The following LINGO2 variants were observed in gnomAD, a reference collection of about 807,000 sequenced individuals.
The protein encoded by LINGO2 is leucine rich repeat and Ig domain containing 2, also known as leucine-rich repeat and immunoglobulin-like domain-containing nogo receptor-interacting protein 2.
A neutral mutation model predicts 30.6 loss-of-function variants in LINGO2; 14 were observed. The observed-to-expected ratio is 0.46, with a 90% confidence interval of 0.30 to 0.72. The LOEUF is 0.72. Ranked by LOEUF, LINGO2 falls within the 30% of genes least tolerant of loss-of-function variation. LINGO2 has a pLI of 0.07. For synonymous variants in LINGO2, 317 were observed against 288.5 expected (o/e 1.10, Z -1.00); for missense variants, 729 against 751.7 (o/e 0.97, Z 0.35).
In LINGO2 at chr9:28,492,666, G is replaced by C. The variant is rs570308769; in HGVS notation, c.-364-16641C>G. Among the ~76,000 whole-genome samples the C allele has an allele frequency of 2.0e-5, 3 of 152,174 alleles. No individual in the cohort carries two copies. The East Asian group carries it at 5.8e-4, about 29-fold the overall frequency. On this transcript the variant is annotated intron_variant, in intron 1 of 5. Coordinates refer to ENST00000379992, the Ensembl canonical transcript of LINGO2. ...TCCATTGAAGAAGATGCATTGAAAGGTTTCAGCTAAAGAGATCCCTAAACA... is the reference window on the plus strand; with the variant it reads ...TCCATTGAAGAAGATGCATTGAAAGCTTTCAGCTAAAGAGATCCCTAAACA...
At chr9:28,652,977 GA>G (rs1440016916) in intron 1 of LINGO2, among the ~76,000 whole-genome samples, 1 of 151,998 alleles carries the variant, frequency 6.6e-6, no homozygotes, top group Admixed American at 6.6e-5. Context: ...GGATATAGCT[GA>G]AACTCCAGAT....
At chr9:28,399,480 T>A (rs996102753) in intron 2 of LINGO2, among the ~76,000 whole-genome samples, 5 of 152,064 alleles carry the variant, frequency 3.3e-5, no homozygotes, top group African/African-American at 1.2e-4. Context: ...ATAAAAATAA[T>A]TACATAACTG....
chr9:28,399,329 A>T (rs1188042632), intron 2 of LINGO2, among the ~76,000 whole-genome samples: 1 of 152,222 alleles, frequency 6.6e-6, no homozygotes, highest in Non-Finnish European at 1.5e-5. Context: ...AATAGTAATG[A>T]ATATGTGCAC....
intron 4 of LINGO2, among the ~76,000 whole-genome samples, chr9:28,255,570 C>A (rs2134025335): frequency 6.6e-6 from 1 of 152,186 alleles, no homozygotes; most frequent in East Asian, 1.9e-4. Flanking sequence ...GTAATGCACT[C>A]AATCAGCCCT....
chr9:28,244,715 A>G (rs1326808910), intron 4 of LINGO2, among the ~76,000 whole-genome samples: 1 of 152,030 alleles, frequency 6.6e-6, no homozygotes, highest in African/African-American at 2.4e-5. Context: ...AAATGGATGA[A>G]TTCCTGGACA....
At chr9:29,211,956 G>C in the LINGO2 span, among the ~76,000 whole-genome samples, 1 of 152,066 alleles carries the variant, frequency 6.6e-6, no homozygotes, top group Non-Finnish European at 1.5e-5. Context: ...GAGCAACACT[G>C]AAAGGCACCT....
chr9:28,805,635 T>C, the LINGO2 span, among the ~76,000 whole-genome samples: 2 of 152,302 alleles, frequency 1.3e-5, no homozygotes, highest in Non-Finnish European at 2.9e-5. Context: ...TTTTCACAAA[T>C]CTACTAACAG....
chr9:28,194,208 TC>T, intron 4 of LINGO2, among the ~76,000 whole-genome samples: 1 of 152,136 alleles, frequency 6.6e-6, no homozygotes, highest in Middle Eastern at 3.4e-3. Context: ...TTCCATGGTA[TC>T]AGAAGAAATA....
At chr9:28,045,337 TG>T in intron 4 of LINGO2, among the ~76,000 whole-genome samples, 1 of 152,332 alleles carries the variant, frequency 6.6e-6, no homozygotes. Flanking sequence ...ATAGACAGAC[TG>T]CTTAAACTGG....
At chr9:28,252,028 T>G (rs1458392882) in intron 4 of LINGO2, among the ~76,000 whole-genome samples, 2 of 152,184 alleles carry the variant, frequency 1.3e-5, no homozygotes, top group African/African-American at 4.8e-5. Flanking sequence ...AGCCTCAGTT[T>G]CTCTATTTTC....
At position 28,117,166 on chromosome 9, in the gene LINGO2, T is replaced by C. The variant is rs1331882111; in HGVS notation, c.-86-104761A>G. Among the ~76,000 whole-genome samples, 4 of 150,952 alleles carry C rather than the reference T, an allele frequency of 2.6e-5. No individual in the cohort carries two copies. The South Asian group carries it at 6.3e-4, about 24-fold the overall frequency. On this transcript the variant is annotated intron_variant, in intron 4 of 5. Transcript: ENST00000379992. ...CAGCTGCAGGTCTGTTGGAATACTC[T>C]GCCATGTGAGGTGTCAGTGTGCCCC...
At chr9:28,105,452 A>G (rs1368081545) in intron 4 of LINGO2, among the ~76,000 whole-genome samples, 4 of 152,212 alleles carry the variant, frequency 2.6e-5, no homozygotes, top group African/African-American at 4.8e-5. Flanking sequence ...TGAAAACTAA[A>G]CAGATAAATA....
intron 1 of LINGO2, among the ~76,000 whole-genome samples, chr9:28,609,823 A>C (rs1279445170): frequency 6.6e-6 from 1 of 152,116 alleles, no homozygotes; most frequent in Non-Finnish European, 1.5e-5. Flanking sequence ...AGCGAACACA[A>C]AACCCTAGGA....
intron 3 of LINGO2, among the ~76,000 whole-genome samples, chr9:28,314,621 T>C (rs1054224935): frequency 2.5e-4 from 38 of 152,206 alleles, no homozygotes; most frequent in Admixed American, 3.3e-4. Context: ...AGCTGACAGC[T>C]CTTTGCTCCA....
At chr9:28,638,239 T>A (rs1827382999) in intron 1 of LINGO2, among the ~76,000 whole-genome samples, 1 of 152,180 alleles carries the variant, frequency 6.6e-6, no homozygotes, top group Non-Finnish European at 1.5e-5. Flanking sequence ...AATTGAGGAT[T>A]TCTGCATCGA....
At chr9:28,825,763 A>G in the LINGO2 span, among the ~76,000 whole-genome samples, 1 of 152,100 alleles carries the variant, frequency 6.6e-6, no homozygotes, top group Non-Finnish European at 1.5e-5. Context: ...ATTGTCTCAG[A>G]AGAGAAGTAA....
intron 2 of LINGO2, among the ~76,000 whole-genome samples, chr9:28,461,786 A>G (rs1825091610): frequency 6.6e-6 from 1 of 152,192 alleles, no homozygotes; most frequent in Admixed American, 6.5e-5. Flanking sequence ...GTTCCTGATT[A>G]TATCTGTTAA....
the LINGO2 span, among the ~76,000 whole-genome samples, chr9:28,947,411 GAAC>G: frequency 6.6e-6 from 1 of 151,982 alleles, no homozygotes; most frequent in Non-Finnish European, 1.5e-5. Context: ...TAATTTCTCT[GAAC>G]TTCTGTTTCT....
intron 4 of LINGO2, among the ~76,000 whole-genome samples, chr9:28,137,904 G>T (rs1827563138): frequency 6.6e-6 from 1 of 152,078 alleles, no homozygotes; most frequent in Non-Finnish European, 1.5e-5. Flanking sequence ...ATTTTTGATT[G>T]TTCCATGAGT....
Sources: allele counts gnomAD v4.1 joint callset (sites outside exome capture counted in the v4.1 genomes callset), GRCh38; gene constraint gnomAD v4.1.1; transcripts MANE v1.5; gene names NCBI Gene and HGNC (gene_info 2026-07-23, HGNC 2026-07-21).